Variants in PLBD1 observed in about 807,000 individuals in gnomAD.
PLBD1 encodes the protein phospholipase B domain containing 1.
In PLBD1, 60 loss-of-function variants were observed where a neutral mutation model predicts 63.0. The ratio of observed to expected loss-of-function variants is 0.95; its 90% CI spans 0.77 to 1.18. PLBD1 has a LOEUF of 1.18. Ranked by LOEUF, PLBD1 falls within the 50% of genes most tolerant of loss-of-function variation. The pLI, the probability that PLBD1 is intolerant of heterozygous loss-of-function variation, is 0.00. For synonymous variants in PLBD1, 262 were observed against 248.0 expected, an observed-to-expected ratio of 1.06 and a Z score of -0.53; for missense variants, 598 against 677.9, an observed-to-expected ratio of 0.88 and a Z score of 1.31.
At chr12:14,553,594 A>AG in intron 1 of PLBD1, 182 bp from the exon 2 acceptor site, 1 of 620,338 alleles carries the variant, frequency 1.6e-6, no homozygotes, top group Non-Finnish European at 2.8e-6. Context: ...ATCCCAATCA[A>AG]GGGGGATAAG....
In PLBD1 at chr12:14,511,391, T is replaced by C. The variant is rs781663830; in HGVS notation, c.1055A>G (p.Asn352Ser). ...CAGGTCCAGAACCATGTATTGATTG[T>C]TATAGGTGCCTGAAATATCAGGAAA... ...IFSKYNSGTY[N>S]NQYMVLDLKK... Residue 352 changes from asparagine (N) to serine (S), a missense_variant, in exon 8 of 11, where the codon AAC becomes AGC. Asn to Ser is a conservative substitution (Grantham distance 46). Transcript: ENST00000240617. 6.2e-6 allele frequency: 10 copies of C among 1,613,332 alleles called. No homozygotes were observed. In the East Asian group the frequency reaches 2.0e-4, roughly 32 times the overall value.
In PLBD1 at chr12:14,559,243, A is replaced by G. The variant is rs185737140; in HGVS notation, c.116-5831T>C. On this transcript the variant is annotated intron_variant, in intron 1 of 10. Transcript: ENST00000240617. ...AAAGCGCGGACTGTTTCTGCTTAACACTCTATAAACCTGACAAAATAATGT... is the reference window on the plus strand; with the variant it reads ...AAAGCGCGGACTGTTTCTGCTTAACGCTCTATAAACCTGACAAAATAATGT... Among the ~76,000 whole-genome samples the G allele has an allele frequency of 1.5e-3, 233 of 152,260 alleles. 2 individuals carry two copies. The highest frequency in any genetic ancestry group is 5.4e-3 in the African/African-American group (223 of 41,554).
intron 2 of PLBD1, among the ~76,000 whole-genome samples, chr12:14,547,984 T>C (rs1021134607): frequency 1.3e-5 from 2 of 152,238 alleles, no homozygotes; most frequent in Admixed American, 1.3e-4. Context: ...ATAAATAATA[T>C]GAAGATTATA....
chr12:14,519,454 C>CAAAAAATTTGTAAAAATTTTG (rs1945360356), intron 6 of PLBD1, among the ~76,000 whole-genome samples: 2 of 151,808 alleles, frequency 1.3e-5, no homozygotes, highest in African/African-American at 2.4e-5. Flanking sequence ...CCTGTCTCCA[C>CAAAAAATTTGTAAAAATTTTG]TAAAAATACA....
At chr12:14,551,091 G>A (rs767490501) in intron 2 of PLBD1, among the ~76,000 whole-genome samples, 19 of 151,760 alleles carry the variant, frequency 1.3e-4, no homozygotes, top group Admixed American at 4.6e-4. Flanking sequence ...CAGGCCTGGC[G>A]TGGTGGTTCA....
chr12:14,528,681 T>A (rs1022849427), intron 6 of PLBD1, among the ~76,000 whole-genome samples: 2 of 151,006 alleles, frequency 1.3e-5, no homozygotes, highest in Non-Finnish European at 3.0e-5. Flanking sequence ...CTAGAAAAAA[T>A]TACAAATTAA....
intron 6 of PLBD1, 36 bp downstream of exon 6, chr12:14,535,623 C>G (rs369036214): frequency 6.2e-7 from 1 of 1,608,752 alleles, no homozygotes; most frequent in South Asian, 1.1e-5. Context: ...AGGAATAGTA[C>G]TCAAAGTGCT....
intron 6 of PLBD1, among the ~76,000 whole-genome samples, chr12:14,525,724 C>CT (rs113277893): frequency 0.91 from 138,163 of 151,792 alleles, 64,063 homozygotes; most frequent in Non-Finnish European, 0.99. Flanking sequence ...CGCACACACA[C>CT]ACTTGTTTTA....
chr12:14,535,631 G>C (rs765985685), intron 6 of PLBD1, 28 bp downstream of exon 6: 17 of 1,611,022 alleles, frequency 1.1e-5, no homozygotes, highest in Non-Finnish European at 1.4e-5. Flanking sequence ...TACTCAAAGT[G>C]CTCAGATGTT....
intron 6 of PLBD1, among the ~76,000 whole-genome samples, chr12:14,532,349 T>C (rs1945472398): frequency 6.6e-6 from 1 of 152,172 alleles, no homozygotes; most frequent in Non-Finnish European, 1.5e-5. Flanking sequence ...GGTACAGAGC[T>C]GCAGGGGTGA....
At chr12:14,522,431 T>G (rs1265800653) in intron 6 of PLBD1, among the ~76,000 whole-genome samples, 1 of 152,018 alleles carries the variant, frequency 6.6e-6, no homozygotes, top group Non-Finnish European at 1.5e-5. Flanking sequence ...CTACCAAACA[T>G]TAAAGAAAAA....
rs1351046180 is a variant in PLBD1, at chr12:14,540,768, G to A, written c.554C>T (p.Thr185Ile). 3.1e-6 allele frequency: 5 copies of A among 1,589,650 alleles called. No individual in the cohort carries two copies. The highest frequency in any genetic ancestry group is 1.1e-5 in the South Asian group (1 of 87,656). ...GAAGCTTGTTTAAAGTCCTACCTTT[G>A]TCCCTTCTAATATAGCCCTCTTCTT... ...GAKKRAILEG[T>I]KPMTLFQIQF... The change falls in exon 4 of 11, where the codon ACA becomes ATA. Residue 185 changes from threonine to isoleucine, a missense_variant. Transcript: ENST00000240617.
At chr12:14,503,994 G>A (rs749418686) in intron 10 of PLBD1, 40 bp from the exon 11 acceptor site, 80 of 1,547,386 alleles carry the variant, frequency 5.2e-5, no homozygotes, top group Admixed American at 3.2e-4. Flanking sequence ...GAAAATCATC[G>A]TTCAGCAAAA....
chr12:14,559,079 T>C (rs745700074), intron 1 of PLBD1, among the ~76,000 whole-genome samples: 5 of 152,264 alleles, frequency 3.3e-5, no homozygotes, highest in Non-Finnish European at 7.3e-5. Context: ...AATCCTGTAA[T>C]AGTTTAAGCC....
At chr12:14,552,251 G>A (rs1255419932) in intron 2 of PLBD1, among the ~76,000 whole-genome samples, 2 of 152,090 alleles carry the variant, frequency 1.3e-5, no homozygotes, top group Non-Finnish European at 2.9e-5. Context: ...GATGAGAGTC[G>A]ATTAAATAAA....
chr12:14,520,473 A>G (rs1945366326), intron 6 of PLBD1, among the ~76,000 whole-genome samples: 1 of 147,078 alleles, frequency 6.8e-6, no homozygotes, highest in South Asian at 2.1e-4. Context: ...AAACAACAAC[A>G]AAAAAAGTAA....
At chr12:14,507,851 A>G (rs1945267692) in intron 8 of PLBD1, among the ~76,000 whole-genome samples, 1 of 152,184 alleles carries the variant, frequency 6.6e-6, no homozygotes, top group Non-Finnish European at 1.5e-5. Context: ...TATGTGACAC[A>G]GCTCTCTCTT....
At position 14,535,657 on chromosome 12, in the gene PLBD1, A is replaced by AC; in HGVS notation, c.844+1dup. On this transcript the variant is annotated splice_donor_variant, in intron 6 of 10. Transcript: ENST00000240617. LOFTEE classifies it high-confidence loss of function. ...CTCAGATGTTCCTTTAAATTCATTTACCTGGGTAACTGCTGAAAGAGAGGC... is the reference window on the plus strand; with the variant it reads ...CTCAGATGTTCCTTTAAATTCATTTACCCTGGGTAACTGCTGAAAGAGAGGC... The AC allele has an allele frequency of 6.2e-7, 1 of 1,613,874 alleles. No individual in the cohort carries two copies. The highest frequency in any genetic ancestry group is 8.5e-7 in the Non-Finnish European group (1 of 1,179,846).
intron 2 of PLBD1, among the ~76,000 whole-genome samples, chr12:14,549,174 T>C (rs962589725): frequency 2.0e-5 from 3 of 152,154 alleles, no homozygotes; most frequent in African/African-American, 7.2e-5. Flanking sequence ...ACTGGAACAA[T>C]AGAATTCCAT....
Sources: allele counts gnomAD v4.1 joint callset (sites outside exome capture counted in the v4.1 genomes callset), GRCh38; gene constraint gnomAD v4.1.1; transcripts MANE v1.5; gene names NCBI Gene and HGNC (gene_info 2026-07-23, HGNC 2026-07-21).